DHTKD1: variants seen among roughly 807,000 people sequenced by gnomAD.
DHTKD1 encodes the protein dehydrogenase E1 and transketolase domain containing 1.
A neutral mutation model predicts 101.8 loss-of-function variants in DHTKD1; 78 were observed. The ratio of observed to expected loss-of-function variants is 0.77; its 90% CI spans 0.64 to 0.93. The LOEUF is 0.93. DHTKD1 is among the 40% of genes least tolerant of loss of function. DHTKD1 has a pLI of 0.00. For missense variants in DHTKD1, 1,223 were observed against 1,161.7 expected, an observed-to-expected ratio of 1.05 and a Z score of -0.77; for synonymous variants, 462 against 450.3, an observed-to-expected ratio of 1.03 and a Z score of -0.33.
chr10:12,120,980 G>T lies in DHTKD1; in HGVS notation c.*92G>T. ...CATGCCTGTAATCCCAGCACTTTGG[G>T]AGGCCAAGGCTGGTGGATCACCTGA... On this transcript the variant is annotated 3_prime_UTR_variant, in exon 17 of 17. Coordinates refer to ENST00000263035, the MANE Select transcript of DHTKD1 (RefSeq NM_018706.7). 8.4e-7 allele frequency: 1 copy of T among 1,186,206 alleles called. No homozygotes were observed. Among genetic ancestry groups the T allele is most frequent in the Non-Finnish European group, 1.2e-6 (1 of 830,822 alleles). 73.5% of individuals were successfully genotyped at this position (1,186,206 alleles called of 1,614,324 possible).
intron 7 of DHTKD1, among the ~76,000 whole-genome samples, chr10:12,095,701 T>C (rs1455312896): frequency 2.7e-5 from 4 of 149,588 alleles, no homozygotes; most frequent in Non-Finnish European, 4.4e-5. Context: ...TAGTCCCAGC[T>C]ACTCGGGAGG....
intron 15 of DHTKD1, 62 bp downstream of exon 15, chr10:12,118,980 T>C: frequency 7.1e-7 from 1 of 1,414,836 alleles, no homozygotes; most frequent in Non-Finnish European, 9.4e-7. Flanking sequence ...TTCAGCTCTT[T>C]TAAATGAAAA....
In DHTKD1 at chr10:12,117,725, T is replaced by C. The variant is rs980856808; in HGVS notation, c.2372T>C (p.Val791Ala). ...GCACCAGGAACAACATTTAACCCGGTCATTGGTGATTCATCTGTGGATCCA... is the reference window on the plus strand; with the variant it reads ...GCACCAGGAACAACATTTAACCCGGCCATTGGTGATTCATCTGTGGATCCA... ...EMAPGTTFNPVIGDSSVDPKK... is the reference protein window; with the variant it reads ...EMAPGTTFNPAIGDSSVDPKK... The change falls in exon 14 of 17, where the codon GTC (valine) becomes GCC (alanine). Residue 791 changes from valine to alanine, a missense_variant. Transcript: ENST00000263035. 2.5e-6 allele frequency: 4 copies of C among 1,605,516 alleles called. No homozygotes were observed. The African/African-American group carries it at 5.4e-5, about 22-fold the overall frequency.
chr10:12,102,731 G>A (rs948854913), intron 10 of DHTKD1, among the ~76,000 whole-genome samples: 4 of 151,968 alleles, frequency 2.6e-5, no homozygotes, highest in African/African-American at 4.8e-5. Context: ...TCATTCATTC[G>A]TTCATTTATT....
rs189984773 is a variant in DHTKD1 at position 12,089,824 on chromosome 10, C to T, written c.987+569C>T. Among the ~76,000 whole-genome samples the T allele has an allele frequency of 8.3e-4, 126 of 152,162 alleles. 1 individual carries two copies. The East Asian group carries it at 0.021, about 25-fold the overall frequency. ...TAGCTGGGACTACAGGCACGTGCCA[C>T]CACGCCCAGCTAATTTTTGTATTTT... On this transcript the variant is annotated intron_variant, in intron 5 of 16. Transcript: ENST00000263035.
At chr10:12,108,103 A>G (rs1049006536) in intron 12 of DHTKD1, 88 bp downstream of exon 12, 1 of 903,606 alleles carries the variant, frequency 1.1e-6, no homozygotes, top group African/African-American at 1.7e-5. Context: ...ACGCCCACCT[A>G]ACTGTAACAC....
At chr10:12,114,944 T>C (rs970229881) in intron 13 of DHTKD1, among the ~76,000 whole-genome samples, 23 of 152,204 alleles carry the variant, frequency 1.5e-4, no homozygotes, top group East Asian at 7.7e-4. Context: ...CACAGGCGCC[T>C]GCCACCACGA....
intron 1 of DHTKD1, among the ~76,000 whole-genome samples, chr10:12,072,509 A>G (rs923105718): frequency 6.6e-6 from 1 of 150,752 alleles, no homozygotes; most frequent in Non-Finnish European, 1.5e-5. Flanking sequence ...ATAAATACAA[A>G]TAAATAATTA....
At chr10:12,119,670 G>C (rs1833493761) in intron 15 of DHTKD1, among the ~76,000 whole-genome samples, 1 of 151,250 alleles carries the variant, frequency 6.6e-6, no homozygotes, top group African/African-American at 2.4e-5. Context: ...GGGCCTGTCC[G>C]AGGGTCATGG....
Position 12,121,084 on chromosome 10 carries a change from G to A in DHTKD1, c.*196G>A, listed in dbSNP as rs1390670265. The A allele has an allele frequency of 2.3e-6, 1 of 443,748 alleles. No homozygotes were observed. The highest frequency in any genetic ancestry group is 4.2e-6 in the Non-Finnish European group (1 of 236,272). The allele number at this position is 443,748 out of a possible 1,614,324, so 27.5% of individuals were successfully genotyped here. A position where few individuals can be genotyped will look rare whatever the true frequency, so the allele number is the denominator to read the frequency against. On this transcript the variant is annotated 3_prime_UTR_variant, in exon 17 of 17. Coordinates refer to ENST00000263035, the MANE Select transcript of DHTKD1 (RefSeq NM_018706.7). ...AAAATACAAAAAATAGCCGGGTGTGGTGGTGGGCACCTGTGATCCCAGCTT... is the reference window on the plus strand; with the variant it reads ...AAAATACAAAAAATAGCCGGGTGTGATGGTGGGCACCTGTGATCCCAGCTT...
intron 3 of DHTKD1, among the ~76,000 whole-genome samples, chr10:12,085,860 A>G (rs1232753876): frequency 2.0e-5 from 3 of 152,168 alleles, no homozygotes; most frequent in Non-Finnish European, 4.4e-5. Flanking sequence ...GCAGTGAGCT[A>G]AGATTGCACC....
chr10:12,113,394 C>T (rs561452059), intron 13 of DHTKD1, among the ~76,000 whole-genome samples: 3 of 152,114 alleles, frequency 2.0e-5, no homozygotes, highest in South Asian at 2.1e-4. Flanking sequence ...GATGGGGTTT[C>T]GCCATCTTGG....
intron 1 of DHTKD1, among the ~76,000 whole-genome samples, chr10:12,072,548 C>G (rs1454965614): frequency 1.3e-5 from 2 of 151,904 alleles, no homozygotes; most frequent in Non-Finnish European, 2.9e-5. Flanking sequence ...CTCTAGTAAC[C>G]TTTTGGATGG....
chr10:12,076,534 C>CA (rs1370095402), intron 1 of DHTKD1, among the ~76,000 whole-genome samples: 2 of 152,026 alleles, frequency 1.3e-5, no homozygotes, highest in Non-Finnish European at 2.9e-5. Flanking sequence ...ATACAGTAAG[C>CA]AAAAAATAGC....
At chr10:12,108,216 C>T (rs145213548) in intron 12 of DHTKD1, among the ~76,000 whole-genome samples, 65 of 152,300 alleles carry the variant, frequency 4.3e-4, no homozygotes, top group African/African-American at 1.5e-3. Context: ...AATTAAAGTT[C>T]TCTTGTGCCA....
chr10:12,100,278 TTTTTTTCTG>T lies in DHTKD1; in HGVS notation c.1756+23_1756+31del. Reference sequence around the variant, plus strand: ...CTTGCTCAAGGTAAGAATTTTCTTTTTTTTTTCTGTTTTTTTTTTTTTTGAGTCTCACCC... The same window carrying T: ...CTTGCTCAAGGTAAGAATTTTCTTTTTTTTTTTTTTTTTTGAGTCTCACCC... On this transcript the variant is annotated intron_variant, in intron 9 of 16. Coordinates refer to ENST00000263035, the MANE Select transcript of DHTKD1 (RefSeq NM_018706.7). The T allele has an allele frequency of 1.1e-6, 1 of 908,462 alleles. No individual in the cohort carries two copies. The highest frequency in any genetic ancestry group is 3.0e-5 in the Admixed American group (1 of 33,374). 56.3% of individuals were successfully genotyped at this position (908,462 alleles called of 1,614,324 possible). A position where few individuals can be genotyped will look rare whatever the true frequency, so the allele number is the denominator to read the frequency against.
At chr10:12,109,985 G>T (rs917239031) in intron 12 of DHTKD1, among the ~76,000 whole-genome samples, 1 of 151,886 alleles carries the variant, frequency 6.6e-6, no homozygotes, top group Non-Finnish European at 1.5e-5. Flanking sequence ...ACCACATGCG[G>T]CTCAGAACAG....
chr10:12,068,965 G>T lies in DHTKD1; in HGVS notation c.-69G>T. The T allele has an allele frequency of 6.3e-7, 1 of 1,586,770 alleles. No homozygotes were observed. The highest frequency in any genetic ancestry group is 8.6e-7 in the Non-Finnish European group (1 of 1,165,022). On this transcript the variant is annotated 5_prime_UTR_variant, in exon 1 of 17. Coordinates refer to ENST00000263035, the MANE Select transcript of DHTKD1 (RefSeq NM_018706.7). ...CTCCGGCCGCCTCTGACGAGTCCCG[G>T]ATTTACCAGGGCCGGTGGGATCCCC...
At chr10:12,083,665 C>T (rs1258864393) in intron 2 of DHTKD1, among the ~76,000 whole-genome samples, 1 of 151,954 alleles carries the variant, frequency 6.6e-6, no homozygotes, top group Non-Finnish European at 1.5e-5. Context: ...ACCTGGGAGG[C>T]AGAGGTTGCA....
Sources: allele counts gnomAD v4.1 joint callset (sites outside exome capture counted in the v4.1 genomes callset), GRCh38; gene constraint gnomAD v4.1.1; transcripts MANE v1.5; gene names NCBI Gene and HGNC (gene_info 2026-07-23, HGNC 2026-07-21).